The following CFAP299 variants were observed in gnomAD, a reference collection of about 807,000 sequenced individuals.
CFAP299 encodes the protein cilia and flagella associated protein 299, also known as cilia- and flagella-associated protein 299.
In CFAP299, 21 loss-of-function variants were observed where a neutral mutation model predicts 27.0. That is an observed-to-expected ratio of 0.78 (90% CI 0.55 to 1.12). The LOEUF is 1.12. Ranked by LOEUF, CFAP299 falls within the 50% of genes most tolerant of loss-of-function variation. The pLI is 0.00. For missense variants in CFAP299, 310 were observed against 276.6 expected (o/e 1.12, Z -0.86); for synonymous variants, 104 against 98.1 (o/e 1.06, Z -0.36).
intron 3 of CFAP299, among the ~76,000 whole-genome samples, chr4:80,819,151 C>T (rs1014293495): frequency 2.0e-5 from 3 of 151,906 alleles, no homozygotes; most frequent in Non-Finnish European, 4.4e-5. Context: ...GATGAATCCT[C>T]AGAAGAAGCT....
intron 3 of CFAP299, among the ~76,000 whole-genome samples, chr4:80,714,980 T>A (rs1722395521): frequency 6.6e-6 from 1 of 152,100 alleles, no homozygotes; most frequent in Non-Finnish European, 1.5e-5. Flanking sequence ...AGAGTTTATG[T>A]TCAAGCTACC....
intron 2 of CFAP299, among the ~76,000 whole-genome samples, chr4:80,503,220 T>G (rs1731826061): frequency 6.6e-6 from 1 of 152,110 alleles, no homozygotes; most frequent in Non-Finnish European, 1.5e-5. Context: ...TGGCCTTAAT[T>G]TAATTTTTAT....
At chr4:80,922,880 A>T (rs1016576845) in intron 4 of CFAP299, among the ~76,000 whole-genome samples, 3 of 149,490 alleles carry the variant, frequency 2.0e-5, no homozygotes, top group South Asian at 2.1e-4. Flanking sequence ...TATAAATATA[A>T]TCTATACATA....
At chr4:80,942,169 G>A (rs1737230201) in intron 4 of CFAP299, among the ~76,000 whole-genome samples, 1 of 152,174 alleles carries the variant, frequency 6.6e-6, no homozygotes, top group African/African-American at 2.4e-5. Context: ...GACCATGGTT[G>A]TAGTCTGGAG....
intron 4 of CFAP299, among the ~76,000 whole-genome samples, chr4:80,916,820 T>C (rs1735789319): frequency 1.3e-5 from 2 of 152,082 alleles, no homozygotes; most frequent in South Asian, 4.1e-4. Context: ...AAAATAGAAT[T>C]ATTCATTTTG....
rs535304294 is a variant in CFAP299, at chr4:80,747,856, A to G, written c.334-122137A>G. 2.0e-5 allele frequency among the ~76,000 whole-genome samples: 3 copies of G among 152,114 alleles called. No individual in the cohort carries two copies. In the South Asian group the frequency reaches 6.2e-4, roughly 32 times the overall value. On this transcript the variant is annotated intron_variant, in intron 3 of 5. Transcript: ENST00000358105. ...ATCAATATTCATGGCTTTACCTGTCATTTATATGCTGATGACTTACCTATT... is the reference window on the plus strand; with the variant it reads ...ATCAATATTCATGGCTTTACCTGTCGTTTATATGCTGATGACTTACCTATT...
At chr4:80,677,769 T>C (rs1719561298) in intron 3 of CFAP299, among the ~76,000 whole-genome samples, 1 of 152,062 alleles carries the variant, frequency 6.6e-6, no homozygotes, top group African/African-American at 2.4e-5. Flanking sequence ...GCCTTGCTAG[T>C]GGTTGTAAAG....
chr4:80,580,843 CTT>C (rs1035800306), intron 2 of CFAP299, among the ~76,000 whole-genome samples: 35 of 152,062 alleles, frequency 2.3e-4, no homozygotes, highest in African/African-American at 7.2e-4. Flanking sequence ...ATATGTGTTA[CTT>C]TTAAGCAGAA....
intron 4 of CFAP299, among the ~76,000 whole-genome samples, chr4:80,895,588 G>A (rs191589975): frequency 1.1e-4 from 17 of 152,136 alleles, no homozygotes; most frequent in African/African-American, 2.4e-5. Context: ...TGCAGAGCTA[G>A]ATAATGTTTG....
intron 3 of CFAP299, among the ~76,000 whole-genome samples, chr4:80,687,835 C>T (rs574059251): frequency 3.3e-5 from 5 of 152,144 alleles, no homozygotes; most frequent in Admixed American, 6.5e-5. Context: ...GTGCGCGCAC[C>T]GTGCGCAAGC....
At chr4:80,856,886 G>C (rs1281252372) in intron 3 of CFAP299, among the ~76,000 whole-genome samples, 1 of 151,848 alleles carries the variant, frequency 6.6e-6, no homozygotes, top group Non-Finnish European at 1.5e-5. Context: ...TGGTGATGAG[G>C]GCTCTTTTTT....
chr4:80,815,948 C>T (rs982112767), intron 3 of CFAP299, among the ~76,000 whole-genome samples: 11 of 151,696 alleles, frequency 7.3e-5, no homozygotes, highest in Admixed American at 4.6e-4. Flanking sequence ...TTTTACAATA[C>T]TTGTAATATT....
At chr4:80,692,483 G>T (rs553723706) in intron 3 of CFAP299, among the ~76,000 whole-genome samples, 6,952 of 152,082 alleles carry the variant, frequency 0.046, 548 homozygotes, top group African/African-American at 0.16. Context: ...GGGAAAACTG[G>T]CTAGCCATAT....
chr4:80,667,621 T>A (rs1288641203), intron 3 of CFAP299, among the ~76,000 whole-genome samples: 1 of 152,154 alleles, frequency 6.6e-6, no homozygotes, highest in Admixed American at 6.6e-5. Flanking sequence ...ATATCATGAC[T>A]TCCAGTTCTA....
intron 4 of CFAP299, among the ~76,000 whole-genome samples, chr4:80,901,400 TA>T (rs1238184132): frequency 6.6e-6 from 1 of 152,156 alleles, no homozygotes; most frequent in Admixed American, 6.6e-5. Context: ...GCAGTGTAGT[TA>T]TGCAATGGGT....
intron 3 of CFAP299, among the ~76,000 whole-genome samples, chr4:80,772,544 C>T (rs1726278697): frequency 1.3e-5 from 2 of 151,318 alleles, no homozygotes; most frequent in East Asian, 1.9e-4. Flanking sequence ...TCCCAATAGG[C>T]ACTATTTTTT....
chr4:80,702,234 A>G (rs1458322335), intron 3 of CFAP299, among the ~76,000 whole-genome samples: 1 of 151,936 alleles, frequency 6.6e-6, no homozygotes, highest in Non-Finnish European at 1.5e-5. Flanking sequence ...GAGAGGACAT[A>G]GTTCAATATT....
At chr4:80,751,908 G>T (rs1724950561) in intron 3 of CFAP299, among the ~76,000 whole-genome samples, 1 of 152,154 alleles carries the variant, frequency 6.6e-6, no homozygotes, top group Non-Finnish European at 1.5e-5. Context: ...CTAGGGATAT[G>T]GACGGATGTA....
At chr4:80,768,379 C>G (rs1445934844) in intron 3 of CFAP299, among the ~76,000 whole-genome samples, 1 of 152,104 alleles carries the variant, frequency 6.6e-6, no homozygotes, top group Non-Finnish European at 1.5e-5. Flanking sequence ...GAAAAAAAAT[C>G]AGTGGGAATA....
Sources: allele counts gnomAD v4.1 joint callset (sites outside exome capture counted in the v4.1 genomes callset), GRCh38; gene constraint gnomAD v4.1.1; transcripts MANE v1.5; gene names NCBI Gene and HGNC (gene_info 2026-07-23, HGNC 2026-07-21).